The following BRD4 variants were observed in gnomAD, a reference collection of about 807,000 sequenced individuals.
BRD4 encodes the protein bromodomain-containing protein 4.
In BRD4, 16 loss-of-function variants were observed where a neutral mutation model predicts 142.1. The observed-to-expected ratio is 0.11, with a 90% CI of 0.08 to 0.17. BRD4 has a LOEUF of 0.17. Ranked by LOEUF, BRD4 falls within the 10% of genes least tolerant of loss-of-function variation. The probability of loss-of-function intolerance (pLI) is 1.00; values close to 1 mark genes in which losing one functional copy is unlikely to be tolerated. For synonymous variants in BRD4, 833 were observed against 707.5 expected (o/e 1.18, Z -2.82); for missense variants, 1,424 against 1,810.9 (o/e 0.79, Z 3.88).
rs774571895 is a variant in BRD4, at chr19:15,242,938, T to C, written c.3131A>G (p.His1044Arg). Residue 1044 changes from histidine (H) to arginine (R), a missense_variant, in exon 14 of 20, where the codon CAT becomes CGT. Around this residue, in one of 16 missense-constraint regions of BRD4, gnomAD observed 598 missense variants for 647.8 expected, o/e 0.92. Transcript: ENST00000679869. The stretch of plus-strand genomic sequence containing the variant: ...GTCCGACTTGTGGTGCCGGGGTGAA[T>C]GGTGGTGCTGGATGACTTGCTGAGG... ...AKPQQVIQHH[H>R]SPRHHKSDPY... 6.9e-7 allele frequency: 1 copy of C among 1,458,918 alleles called. No homozygotes were observed. The highest frequency in any genetic ancestry group is 9.1e-7 in the Non-Finnish European group (1 of 1,093,068). The allele number at this position is 1,458,918 out of a possible 1,614,324, so 90.4% of individuals were successfully genotyped here. A position where few individuals can be genotyped will look rare whatever the true frequency, so the allele number is the denominator to read the frequency against.
At chr19:15,268,871 C>T in intron 3 of BRD4, 34 bp downstream of exon 3, 1 of 1,612,206 alleles carries the variant, frequency 6.2e-7, no homozygotes, top group Non-Finnish European at 8.5e-7. Context: ...TCCTCTCTCC[C>T]CAGGGCAGCT....
At position 15,265,512 on chromosome 19, in the gene BRD4, C is replaced by T. The variant is rs1478460919; in HGVS notation, c.691G>A (p.Asp231Asn). The T allele has an allele frequency of 1.2e-6, 2 of 1,613,384 alleles. No individual in the cohort carries two copies. Among genetic ancestry groups the T allele is most frequent in the African/African-American group, 2.7e-5 (2 of 74,772 alleles). Residue 231 changes from aspartate (D) to asparagine (N), a missense_variant, in exon 5 of 20, where the codon GAC (aspartate) becomes AAC (asparagine). This residue lies in a region of BRD4 where 140 missense variants were observed against 131.7 expected (regional missense o/e 1.06). Transcript: ENST00000679869. ...TPHPFPAVTP[D>N]LIVQTPVMTV... ...ATGACAGGGGTCTGGACGATGAGGT[C>T]CGGGGTGACGGCAGGGAAGGGGTGA...
At chr19:15,329,457 C>G (rs754002549) in intron 1 of BRD4, among the ~76,000 whole-genome samples, 1 of 152,094 alleles carries the variant, frequency 6.6e-6, no homozygotes, top group Non-Finnish European at 1.5e-5. Flanking sequence ...AAAAACAAAA[C>G]AGGCCGGGCG....
At chr19:15,240,431 G>A (rs1278926933) in intron 14 of BRD4, among the ~76,000 whole-genome samples, 1 of 152,186 alleles carries the variant, frequency 6.6e-6, no homozygotes, top group East Asian at 1.9e-4. Flanking sequence ...ACAAAGCTCA[G>A]CCTGGGTTCC....
At chr19:15,270,220 T>C (rs566342267) in intron 2 of BRD4, among the ~76,000 whole-genome samples, 4 of 152,378 alleles carry the variant, frequency 2.6e-5, no homozygotes, top group African/African-American at 9.6e-5. Flanking sequence ...ACTGAGGCCC[T>C]GCTCGGGATG....
At chr19:15,298,620 C>CAAAAAAAAAAAAAAAAAAA (rs57719337) in intron 1 of BRD4, among the ~76,000 whole-genome samples, 2 of 66,038 alleles carry the variant, frequency 3.0e-5, no homozygotes, top group African/African-American at 1.2e-4. Context: ...GACTCCAACT[C>CAAAAAAAAAAAAAAAAAAA]AAAAAAAAAA....
chr19:15,299,787 T>C (rs2047852698), intron 1 of BRD4, among the ~76,000 whole-genome samples: 2 of 152,202 alleles, frequency 1.3e-5, no homozygotes, highest in Admixed American at 1.3e-4. Context: ...AACATTCCAG[T>C]GCTATGTGTC....
intron 9 of BRD4, 124 bp downstream of exon 9, chr19:15,255,940 G>T: frequency 7.6e-7 from 1 of 1,316,484 alleles, no homozygotes; most frequent in Non-Finnish European, 1.0e-6. Context: ...GGCCTGTGAA[G>T]CCACGGCTGC....
In BRD4 at chr19:15,268,829, G is replaced by A. The variant is rs1333450426; in HGVS notation, c.423+76C>T. 7 of 1,549,512 alleles carry A rather than the reference G, an allele frequency of 4.5e-6. No homozygotes were observed. In the East Asian group the frequency reaches 1.6e-4, roughly 35 times the overall value. On this transcript the variant is annotated intron_variant, in intron 3 of 19. Coordinates refer to ENST00000679869, the MANE Select transcript of BRD4 (RefSeq NM_001379291.1). ...CCACACCCAACACCCCTGCCCACGGGCTCCTGACATGCCCACTGCCGTCGC... is the reference window on the plus strand; with the variant it reads ...CCACACCCAACACCCCTGCCCACGGACTCCTGACATGCCCACTGCCGTCGC...
At chr19:15,330,215 T>A (rs2048145007) in intron 1 of BRD4, among the ~76,000 whole-genome samples, 1 of 152,240 alleles carries the variant, frequency 6.6e-6, no homozygotes, top group African/African-American at 2.4e-5. Context: ...TGAGACCGGC[T>A]AACTCCAGTT....
intron 1 of BRD4, among the ~76,000 whole-genome samples, chr19:15,303,884 G>T (rs1289273127): frequency 6.6e-6 from 1 of 152,134 alleles, no homozygotes; most frequent in Admixed American, 6.5e-5. Flanking sequence ...GGCTAATGAT[G>T]ACAAAGTCCT....
intron 2 of BRD4, among the ~76,000 whole-genome samples, chr19:15,269,715 T>A (rs1456843595): frequency 3.9e-5 from 6 of 152,088 alleles, no homozygotes; most frequent in Non-Finnish European, 7.3e-5. Context: ...ATCCTTAGTT[T>A]AAAAAAATAA....
chr19:15,269,249 A>T (rs2047563289), intron 2 of BRD4, among the ~76,000 whole-genome samples: 1 of 151,984 alleles, frequency 6.6e-6, no homozygotes, highest in South Asian at 2.1e-4. Context: ...GATGCTGGGG[A>T]GTAATTCAGA....
chr19:15,249,261 AAG>A, intron 11 of BRD4: 1 of 1,614,046 alleles, frequency 6.2e-7, no homozygotes, highest in Non-Finnish European at 8.5e-7. Flanking sequence ...CCGTTTTATT[AAG>A]AGTCCGTGTC....
At chr19:15,331,653 GA>G (rs1169105890) in intron 1 of BRD4, among the ~76,000 whole-genome samples, 1 of 152,088 alleles carries the variant, frequency 6.6e-6, no homozygotes, top group Non-Finnish European at 1.5e-5. Flanking sequence ...GCACTCCGGG[GA>G]CCGCCGGGAA....
chr19:15,290,266 T>C (rs1013790700), intron 1 of BRD4, among the ~76,000 whole-genome samples: 2 of 152,158 alleles, frequency 1.3e-5, no homozygotes, highest in Non-Finnish European at 2.9e-5. Flanking sequence ...TAAAAGTGTA[T>C]TCAAAGTCAA....
intron 11 of BRD4, among the ~76,000 whole-genome samples, chr19:15,252,648 G>C (rs529840310): frequency 6.6e-6 from 1 of 152,372 alleles, no homozygotes; most frequent in African/African-American, 2.4e-5. Context: ...CAAAAGCAGT[G>C]TGGGGAGAGT....
chr19:15,322,770 A>C (rs1404055805), intron 1 of BRD4, among the ~76,000 whole-genome samples: 2 of 147,836 alleles, frequency 1.4e-5, no homozygotes, highest in Non-Finnish European at 3.0e-5. Flanking sequence ...GGGAGGCTGA[A>C]GCAGGAGAAT....
intron 1 of BRD4, among the ~76,000 whole-genome samples, chr19:15,291,474 T>C (rs1176153369): frequency 2.6e-5 from 4 of 152,144 alleles, no homozygotes; most frequent in Non-Finnish European, 5.9e-5. Flanking sequence ...AGGTGGCAGA[T>C]GGGATGGCAC....
Sources: allele counts gnomAD v4.1 joint callset (sites outside exome capture counted in the v4.1 genomes callset), GRCh38; gene constraint gnomAD v4.1.1; regional missense constraint gnomAD v4.1.1; transcripts MANE v1.5; gene names NCBI Gene and HGNC (gene_info 2026-07-23, HGNC 2026-07-21).